DLGAP1: variants seen among roughly 807,000 people sequenced by gnomAD.
DLGAP1 encodes disks large-associated protein 1.
Under a neutral mutation model 90.8 loss-of-function variants are expected in DLGAP1, and 11 were observed. That is an observed-to-expected ratio of 0.12 (90% CI 0.08 to 0.20). The LOEUF is 0.20. Among genes scored for constraint, DLGAP1 ranks in the 10% least tolerant of loss-of-function variants. The pLI is 1.00. For synonymous variants in DLGAP1, 558 were observed against 540.7 expected (o/e 1.03, Z -0.44); for missense variants, 1,050 against 1,333.8 (o/e 0.79, Z 3.31).
intron 2 of DLGAP1, among the ~76,000 whole-genome samples, chr18:4,089,989 G>C (rs1289813292): frequency 3.9e-5 from 6 of 152,144 alleles, no homozygotes; most frequent in African/African-American, 1.4e-4. Flanking sequence ...AGTTTGCAGT[G>C]AGCCAAGATC....
chr18:3,974,303 T>C (rs1042929528), intron 3 of DLGAP1, among the ~76,000 whole-genome samples: 1 of 152,200 alleles, frequency 6.6e-6, no homozygotes, highest in African/African-American at 2.4e-5. Context: ...CTCAATCTCC[T>C]GATCTCGAAA....
At chr18:4,332,598 G>A (rs1025656427) in intron 1 of DLGAP1, among the ~76,000 whole-genome samples, 6 of 151,892 alleles carry the variant, frequency 4.0e-5, no homozygotes, top group Non-Finnish European at 8.8e-5. Flanking sequence ...TTTTGATGTG[G>A]ACTTAAAACT....
intron 1 of DLGAP1, among the ~76,000 whole-genome samples, chr18:4,263,239 T>C (rs2079037964): frequency 6.6e-6 from 1 of 152,214 alleles, no homozygotes; most frequent in Admixed American, 6.5e-5. Flanking sequence ...GCCTGCCTTC[T>C]ATTATTATAC....
At chr18:4,327,147 C>G (rs1395558647) in intron 1 of DLGAP1, among the ~76,000 whole-genome samples, 1 of 152,038 alleles carries the variant, frequency 6.6e-6, no homozygotes, top group African/African-American at 2.4e-5. Flanking sequence ...ATGTACTGCA[C>G]AGCATGTTGA....
Position 3,795,741 on chromosome 18 carries a change from C to A in DLGAP1, c.1172+18318G>T, listed in dbSNP as rs1040762268. On this transcript the variant is annotated intron_variant, in intron 5 of 12. Coordinates refer to ENST00000315677, the MANE Select transcript of DLGAP1 (RefSeq NM_004746.4). ...CCATGCGATCCTCCCACCTCAGCCT[C>A]CCAGGTAGCTAGACCGGGAGATAGA... 3.3e-5 allele frequency among the ~76,000 whole-genome samples: 5 copies of A among 152,316 alleles called. No homozygotes were observed. The East Asian group carries it at 9.6e-4, about 29-fold the overall frequency.
At chr18:4,040,300 G>C (rs955623153) in intron 2 of DLGAP1, among the ~76,000 whole-genome samples, 1 of 152,154 alleles carries the variant, frequency 6.6e-6, no homozygotes, top group African/African-American at 2.4e-5. Context: ...AACAGCTTAC[G>C]CTAGTATACC....
At chr18:4,328,541 T>C (rs2080875388) in intron 1 of DLGAP1, among the ~76,000 whole-genome samples, 1 of 151,936 alleles carries the variant, frequency 6.6e-6, no homozygotes, top group South Asian at 2.1e-4. Context: ...AAACATATGT[T>C]TTCATTTCTC....
chr18:3,572,318 G>C (rs1200712448), intron 8 of DLGAP1, among the ~76,000 whole-genome samples: 3 of 151,650 alleles, frequency 2.0e-5, no homozygotes, highest in Admixed American at 2.0e-4. Flanking sequence ...GGCCAGTAAA[G>C]GCAAACAACA....
intron 2 of DLGAP1, among the ~76,000 whole-genome samples, chr18:4,125,575 A>G (rs2076220119): frequency 6.6e-6 from 1 of 152,152 alleles, no homozygotes. Context: ...TGCATGAGAC[A>G]TGGTCAGGGC....
chr18:4,112,137 T>C lies in DLGAP1; in HGVS notation c.-159+39043A>G, dbSNP rs115925049. On this transcript the variant is annotated intron_variant, in intron 2 of 12. Coordinates refer to ENST00000315677, the MANE Select transcript of DLGAP1 (RefSeq NM_004746.4). ...CATTTTGGTACGTTGTACTTTAATT[T>C]TCATTTCTTTCTAATTTCCCTTGTG... is the stretch of plus-strand genomic sequence containing the variant. 2.7e-3 allele frequency among the ~76,000 whole-genome samples: 412 copies of C among 152,150 alleles called. 3 individuals are homozygous for C. Among genetic ancestry groups the C allele is most frequent in the African/African-American group, 8.7e-3 (363 of 41,564 alleles).
intron 1 of DLGAP1, among the ~76,000 whole-genome samples, chr18:4,380,809 T>A (rs1022305896): frequency 6.6e-6 from 1 of 152,162 alleles, no homozygotes; most frequent in Non-Finnish European, 1.5e-5. Flanking sequence ...TGTCATTTGA[T>A]CCACTGTTCC....
intron 1 of DLGAP1, chr18:4,293,318 C>T (rs1160683779): frequency 6.6e-6 from 1 of 152,226 alleles, no homozygotes. Context: ...TCAAGTTTGG[C>T]TCTGAAACAA....
At chr18:3,710,345 G>A (rs342481) in intron 7 of DLGAP1, among the ~76,000 whole-genome samples, 2 of 152,178 alleles carry the variant, frequency 1.3e-5, no homozygotes, top group East Asian at 1.9e-4. Flanking sequence ...GGGGCCCTAC[G>A]TCATCCCCCG....
chr18:4,026,854 T>G (rs909072407), intron 2 of DLGAP1, among the ~76,000 whole-genome samples: 3 of 152,210 alleles, frequency 2.0e-5, no homozygotes, highest in African/African-American at 7.2e-5. Flanking sequence ...TGATTTAGCC[T>G]GACAGGATTG....
At chr18:3,877,014 T>G (rs8097259) in intron 4 of DLGAP1, among the ~76,000 whole-genome samples, 87,656 of 152,038 alleles carry the variant, frequency 0.58, 27,771 homozygotes, top group African/African-American at 0.86. Context: ...GCATCAAACA[T>G]ACTTGAGCCT....
rs373246784 is a variant in DLGAP1, at chr18:4,003,677, G to A, written c.-73+1439C>T. Among the ~76,000 whole-genome samples, 239 of 152,256 alleles carry A rather than the reference G, an allele frequency of 1.6e-3. 3 individuals carry two copies. The South Asian group carries it at 0.029, about 18-fold the overall frequency. On this transcript the variant is annotated intron_variant, in intron 3 of 12. Coordinates refer to ENST00000315677, the MANE Select transcript of DLGAP1 (RefSeq NM_004746.4). ...ATCTGTGGCTGTTTTAATAGAGGGA[G>A]AGAATACAGGAAGGCAGAGGGGCTG...
intron 2 of DLGAP1, among the ~76,000 whole-genome samples, chr18:4,143,570 G>A (rs894714532): frequency 6.6e-6 from 1 of 151,802 alleles, no homozygotes; most frequent in Non-Finnish European, 1.5e-5. Flanking sequence ...GACAAGGCCT[G>A]GTACTGGGTA....
rs143048862 is a variant in DLGAP1 at position 3,742,949 on chromosome 18, T to TCTTCCTTCCTTCCTTCCTTCCTTC, written c.1173-461_1173-438dup. ...ATCTATATTTTTATCTATCAATTTATCTTCCTTCCTTCCTTCCTTCCTTCC... is the reference window on the plus strand; with the variant it reads ...ATCTATATTTTTATCTATCAATTTATCTTCCTTCCTTCCTTCCTTCCTTCCTTCCTTCCTTCCTTCCTTCCTTCC... On this transcript the variant is annotated intron_variant, in intron 5 of 12. Coordinates refer to ENST00000315677, the MANE Select transcript of DLGAP1 (RefSeq NM_004746.4). Among the ~76,000 whole-genome samples, 565 of 142,742 alleles carry TCTTCCTTCCTTCCTTCCTTCCTTC rather than the reference T, an allele frequency of 4.0e-3. 4 individuals carry two copies. The highest frequency in any genetic ancestry group is 7.0e-3 in the Middle Eastern group (2 of 286). The allele number at this position is 142,742 out of a possible 152,430, so 93.6% of individuals were successfully genotyped here.
chr18:4,106,965 T>C (rs1468695975), intron 2 of DLGAP1, among the ~76,000 whole-genome samples: 1 of 152,192 alleles, frequency 6.6e-6, no homozygotes, highest in Non-Finnish European at 1.5e-5. Context: ...TTTGTTATAG[T>C]TGTTTCATGC....
Sources: allele counts gnomAD v4.1 joint callset (sites outside exome capture counted in the v4.1 genomes callset), GRCh38; gene constraint gnomAD v4.1.1; transcripts MANE v1.5; gene names NCBI Gene and HGNC (gene_info 2026-07-23, HGNC 2026-07-21).